Variants in OR3A2 observed in about 807,000 individuals in gnomAD.
The protein encoded by OR3A2 is olfactory receptor family 3 subfamily A member 2.
For missense variants in OR3A2, 318 were observed against 392.8 expected, an observed-to-expected ratio of 0.81 and a Z score of 1.61; for synonymous variants, 126 against 159.3, an observed-to-expected ratio of 0.79 and a Z score of 1.57.
At chr17:3,352,275 A>T (rs2049427501) in intron 2 of OR3A2, among the ~76,000 whole-genome samples, 1 of 151,592 alleles carries the variant, frequency 6.6e-6, no homozygotes, top group Admixed American at 6.6e-5. Flanking sequence ...TCATTTGTCC[A>T]TTTTTGCTTT....
chr17:3,375,444 A>C (rs1283870014), intron 2 of OR3A2, among the ~76,000 whole-genome samples: 2 of 151,634 alleles, frequency 1.3e-5, no homozygotes, highest in East Asian at 3.9e-4. Flanking sequence ...CTGGGACTAC[A>C]GGCATATGCC....
intron 2 of OR3A2, among the ~76,000 whole-genome samples, chr17:3,350,271 T>C (rs946233170): frequency 2.0e-5 from 3 of 151,830 alleles, no homozygotes; most frequent in Middle Eastern, 3.2e-3. Context: ...ATCAACAAAA[T>C]TGATAGCCTG....
At chr17:3,353,118 C>CT (rs33989147) in intron 2 of OR3A2, among the ~76,000 whole-genome samples, 138 of 145,546 alleles carry the variant, frequency 9.5e-4, no homozygotes, top group African/African-American at 1.2e-3. Flanking sequence ...CTTATAAGTT[C>CT]TTTTTTTTTT....
chr17:3,335,317 T>C (rs1190651515), intron 3 of OR3A2, among the ~76,000 whole-genome samples: 1 of 152,210 alleles, frequency 6.6e-6, no homozygotes, highest in Non-Finnish European at 1.5e-5. Flanking sequence ...CAGTCAAATC[T>C]GTTGATATTT....
chr17:3,322,889 C>G (rs560224455), intron 3 of OR3A2, among the ~76,000 whole-genome samples: 2 of 151,916 alleles, frequency 1.3e-5, no homozygotes, highest in African/African-American at 2.4e-5. Context: ...CTATTAGGTC[C>G]GTTTGGTGCA....
chr17:3,361,012 A>G (rs1465504795), intron 2 of OR3A2, among the ~76,000 whole-genome samples: 4 of 151,420 alleles, frequency 2.6e-5, no homozygotes, highest in African/African-American at 9.8e-5. Flanking sequence ...CTTGGGCAGT[A>G]TGGCCATTTT....
At chr17:3,371,646 G>C (rs1330882890) in intron 2 of OR3A2, among the ~76,000 whole-genome samples, 1 of 138,408 alleles carries the variant, frequency 7.2e-6, no homozygotes, top group African/African-American at 2.7e-5. Flanking sequence ...GGGGAGGCCG[G>C]GCAGAGGCGC....
chr17:3,332,296 G>A (rs1034823775), intron 3 of OR3A2, among the ~76,000 whole-genome samples: 6 of 152,166 alleles, frequency 3.9e-5, no homozygotes, highest in South Asian at 2.1e-4. Flanking sequence ...AATGGCGGGC[G>A]CCCCTCCCCC....
chr17:3,335,162 T>C (rs1009535764), intron 3 of OR3A2, among the ~76,000 whole-genome samples: 3 of 152,214 alleles, frequency 2.0e-5, no homozygotes, highest in African/African-American at 7.2e-5. Flanking sequence ...TATTCACCAG[T>C]ATCTCAGTGT....
intron 2 of OR3A2, among the ~76,000 whole-genome samples, chr17:3,382,992 C>T (rs1037378615): frequency 6.6e-6 from 1 of 152,204 alleles, no homozygotes; most frequent in African/African-American, 2.4e-5. Flanking sequence ...GCTGAGCCAT[C>T]ATACGGCTAG....
At chr17:3,286,023 GT>G (rs1159475346), upstream of OR3A2, among the ~76,000 whole-genome samples, 4 of 152,218 alleles carry the variant, frequency 2.6e-5, no homozygotes, top group Non-Finnish European at 5.9e-5. Context: ...CCATCAACCT[GT>G]CTTCTACATT....
chr17:3,309,992 T>C (rs922481726), intron 3 of OR3A2: 1 of 213,722 alleles, frequency 4.7e-6, no homozygotes, highest in Non-Finnish European at 9.5e-6. Flanking sequence ...CCCAGAACTT[T>C]GGCCTCAGGA....
chr17:3,280,255 G>T (rs574022315), intron 1 of OR3A2, among the ~76,000 whole-genome samples: 6 of 151,704 alleles, frequency 4.0e-5, no homozygotes, highest in Non-Finnish European at 7.4e-5. Flanking sequence ...GGAAAACCAC[G>T]CTGAAGTCAT....
chr17:3,383,198 T>C (rs1469513086), intron 2 of OR3A2, among the ~76,000 whole-genome samples: 1 of 152,204 alleles, frequency 6.6e-6, no homozygotes, highest in Non-Finnish European at 1.5e-5. Flanking sequence ...TGTGTAGCTC[T>C]GAGGCCAAAA....
chr17:3,342,538 T>TA (rs1464800473), intron 2 of OR3A2, among the ~76,000 whole-genome samples: 2 of 152,342 alleles, frequency 1.3e-5, no homozygotes, highest in East Asian at 3.9e-4. Context: ...GCAGGTCTGT[T>TA]AGAGTTTGCC....
At chr17:3,282,719 C>A (rs1398457813) in intron 1 of OR3A2, among the ~76,000 whole-genome samples, 1 of 152,220 alleles carries the variant, frequency 6.6e-6, no homozygotes, top group Non-Finnish European at 1.5e-5. Flanking sequence ...ACTGATAATG[C>A]TTTGCAAATC....
In OR3A2 at chr17:3,320,555, A is replaced by G. The variant is rs1416747869; in HGVS notation, c.-85+15478T>C. Among the ~76,000 whole-genome samples, 4 of 128,304 alleles carry G rather than the reference A, an allele frequency of 3.1e-5. No homozygotes were observed. In the East Asian group the frequency reaches 9.7e-4, roughly 31 times the overall value. 84.2% of individuals were successfully genotyped at this position (128,304 alleles called of 152,430 possible). A position where few individuals can be genotyped will look rare whatever the true frequency, so the allele number is the denominator to read the frequency against. ...TAAGCCATCTTAAATTAATTTTTGTATAAGGTGTAAGGAAGGGATCCAGTT... is the reference window on the plus strand; with the variant it reads ...TAAGCCATCTTAAATTAATTTTTGTGTAAGGTGTAAGGAAGGGATCCAGTT... On this transcript the variant is annotated intron_variant, in intron 3 of 4. Transcript: ENST00000573491.
chr17:3,348,501 G>A (rs1269012315), intron 2 of OR3A2, among the ~76,000 whole-genome samples: 1 of 152,010 alleles, frequency 6.6e-6, no homozygotes, highest in Non-Finnish European at 1.5e-5. Context: ...AAAGAAACGA[G>A]CAAAGCCTCC....
chr17:3,283,520 C>T (rs894028576), intron 1 of OR3A2, among the ~76,000 whole-genome samples: 4 of 152,166 alleles, frequency 2.6e-5, no homozygotes, highest in Admixed American at 2.0e-4. Context: ...TCACTGCGCC[C>T]GGCCGGTATC....
Sources: allele counts gnomAD v4.1 joint callset (sites outside exome capture counted in the v4.1 genomes callset), GRCh38; gene constraint gnomAD v4.1.1; transcripts MANE v1.5; gene names NCBI Gene and HGNC (gene_info 2026-07-23, HGNC 2026-07-21).